NCOA1: variants seen among roughly 807,000 people sequenced by gnomAD.
NCOA1 encodes nuclear receptor coactivator 1, also known as Hin-2 protein.
NCOA1 carries 35 observed loss-of-function variants against 150.9 expected under a neutral mutation model. The ratio of observed to expected loss-of-function variants is 0.23; its 90% CI spans 0.18 to 0.31. NCOA1 has a LOEUF of 0.31. Ranked by LOEUF, NCOA1 falls within the 10% of genes least tolerant of loss-of-function variation. The probability of loss-of-function intolerance (pLI) is 1.00; values close to 1 mark genes in which losing one functional copy is unlikely to be tolerated. For missense variants in NCOA1, 1,491 were observed against 1,749.3 expected (o/e 0.85, Z 2.63); for synonymous variants, 590 against 630.0 (o/e 0.94, Z 0.95).
intron 1 of NCOA1, among the ~76,000 whole-genome samples, chr2:24,503,003 G>T (rs866969593): frequency 1.3e-5 from 2 of 152,248 alleles, no homozygotes. Flanking sequence ...GGCAGATGGG[G>T]ATTAGGTTTT....
At chr2:24,553,497 C>A (rs371990524) in intron 1 of NCOA1, among the ~76,000 whole-genome samples, 5 of 152,134 alleles carry the variant, frequency 3.3e-5, no homozygotes, top group South Asian at 4.1e-4. Flanking sequence ...GGATTACAGG[C>A]GTGAGCCACT....
intron 11 of NCOA1, 63 bp from the exon 12 acceptor site, chr2:24,705,023 G>A: frequency 2.0e-6 from 3 of 1,536,594 alleles, no homozygotes; most frequent in Non-Finnish European, 2.6e-6. Context: ...ATAAAACCTG[G>A]TGACTTAAAG....
chr2:24,525,842 C>T (rs547697648), intron 1 of NCOA1, among the ~76,000 whole-genome samples: 2 of 152,260 alleles, frequency 1.3e-5, no homozygotes, highest in Non-Finnish European at 2.9e-5. Flanking sequence ...GCCCCCGAGC[C>T]CGACCTTATG....
intron 3 of NCOA1, among the ~76,000 whole-genome samples, chr2:24,639,944 A>C (rs74942882): frequency 1.8e-4 from 6 of 33,532 alleles, no homozygotes; most frequent in Non-Finnish European, 2.2e-4. Flanking sequence ...ATATATATAT[A>C]TATATATATA....
chr2:24,655,558 C>A (rs1316209994), intron 4 of NCOA1, among the ~76,000 whole-genome samples: 1 of 152,054 alleles, frequency 6.6e-6, no homozygotes, highest in Non-Finnish European at 1.5e-5. Flanking sequence ...GGATGTTGTC[C>A]TATGGGCATT....
chr2:24,684,556 T>C (rs1368610768), intron 8 of NCOA1, among the ~76,000 whole-genome samples: 1 of 152,192 alleles, frequency 6.6e-6, no homozygotes, highest in Non-Finnish European at 1.5e-5. Context: ...CCCGGCTGCT[T>C]ACAAGACAGT....
intron 21 of NCOA1, among the ~76,000 whole-genome samples, chr2:24,758,583 A>C (rs976851175): frequency 6.6e-6 from 1 of 151,890 alleles, no homozygotes; most frequent in Non-Finnish European, 1.5e-5. Context: ...CTCCTATCCC[A>C]GCCTCCCAAA....
intron 20 of NCOA1, among the ~76,000 whole-genome samples, chr2:24,756,916 T>C (rs1264764664): frequency 2.0e-5 from 3 of 152,172 alleles, no homozygotes; most frequent in Non-Finnish European, 4.4e-5. Context: ...TAAAACAGGC[T>C]CTCTGAAAAA....
At chr2:24,726,809 G>A in intron 15 of NCOA1, 103 bp downstream of exon 15, 4 of 424,770 alleles carry the variant, frequency 9.4e-6, no homozygotes, top group Non-Finnish European at 1.2e-5. Context: ...TATTTTGTGA[G>A]ATATTAATAG....
In NCOA1 at chr2:24,724,080, TTTTTGTTTTGTTTTG is replaced by T. The variant is rs200648819; in HGVS notation, c.2600-2490_2600-2476del. 3.3e-5 allele frequency among the ~76,000 whole-genome samples: 5 copies of T among 151,630 alleles called. 1 individual carries two copies. The South Asian group carries it at 6.2e-4, about 19-fold the overall frequency. ...ATATAAGGGGGGTTTTTTTGTTTGT[TTTTTGTTTTGTTTTG>T]TTTTGTTTTGTTTTGTTTGCTGGGT... On this transcript the variant is annotated intron_variant, in intron 14 of 22. Transcript: ENST00000348332.
intron 3 of NCOA1, among the ~76,000 whole-genome samples, chr2:24,612,074 G>A (rs1668654619): frequency 6.6e-6 from 1 of 152,136 alleles, no homozygotes; most frequent in Non-Finnish European, 1.5e-5. Flanking sequence ...TCCACGTTTA[G>A]AATTCCCTTA....
chr2:24,500,276 T>A (rs1350543886), intron 1 of NCOA1, among the ~76,000 whole-genome samples: 1 of 152,082 alleles, frequency 6.6e-6, no homozygotes, highest in Non-Finnish European at 1.5e-5. Context: ...GCCTGGCTAA[T>A]TTTGTATTTT....
intron 11 of NCOA1, among the ~76,000 whole-genome samples, chr2:24,703,466 C>T (rs747227292): frequency 1.4e-4 from 21 of 152,132 alleles, no homozygotes; most frequent in Non-Finnish European, 2.6e-4. Flanking sequence ...AATCTAATTT[C>T]AAAACATAAA....
chr2:24,589,630 G>GT (rs1553433026), intron 3 of NCOA1, among the ~76,000 whole-genome samples: 1 of 147,550 alleles, frequency 6.8e-6, no homozygotes, highest in East Asian at 2.0e-4. Context: ...AGAGGTTGGT[G>GT]GTGTGTGTGT....
chr2:24,589,633 GT>G (rs1667564066), intron 3 of NCOA1, among the ~76,000 whole-genome samples: 1 of 117,730 alleles, frequency 8.5e-6, no homozygotes, highest in African/African-American at 3.6e-5. Flanking sequence ...GGTTGGTGGT[GT>G]GTGTGTGTGT....
chr2:24,550,749 G>A (rs563924194), intron 1 of NCOA1, among the ~76,000 whole-genome samples: 1 of 152,314 alleles, frequency 6.6e-6, no homozygotes, highest in African/African-American at 2.4e-5. Context: ...GGAAATTCCT[G>A]TTCACCATCA....
intron 1 of NCOA1, among the ~76,000 whole-genome samples, chr2:24,505,737 C>G (rs1217590233): frequency 2.0e-5 from 3 of 152,184 alleles, no homozygotes; most frequent in African/African-American, 7.2e-5. Flanking sequence ...TGTCATAACA[C>G]TTCATTCTCT....
At chr2:24,517,167 T>A (rs1299203402) in intron 1 of NCOA1, among the ~76,000 whole-genome samples, 3 of 151,628 alleles carry the variant, frequency 2.0e-5, no homozygotes, top group Non-Finnish European at 4.4e-5. Flanking sequence ...CACACTTATT[T>A]TTTATTTATT....
intron 7 of NCOA1, among the ~76,000 whole-genome samples, chr2:24,680,788 G>A (rs1260193087): frequency 6.6e-6 from 1 of 151,954 alleles, no homozygotes; most frequent in African/African-American, 2.4e-5. Context: ...GCTTGATTTG[G>A]CCATTCTACA....
Sources: gnomAD v4.1 joint callset for allele counts (sites outside exome capture counted in the v4.1 genomes callset) on GRCh38, gnomAD v4.1.1 for gene constraint, MANE v1.5 for transcripts, NCBI Gene and HGNC (gene_info 2026-07-23, HGNC 2026-07-21) for gene names.